The following SPATA6 variants were observed in gnomAD, a reference collection of about 807,000 sequenced individuals.
SPATA6 encodes spermatogenesis associated 6.
SPATA6 carries 56 observed loss-of-function variants against 65.3 expected under a neutral mutation model. The observed-to-expected ratio is 0.86, with a 90% CI of 0.69 to 1.07. The LOEUF (loss-of-function observed/expected upper bound fraction) is 1.07. Ranked by LOEUF, SPATA6 falls within the 50% of genes least tolerant of loss-of-function variation. The pLI is 0.00. For synonymous variants in SPATA6, 199 were observed against 213.2 expected (o/e 0.93, Z 0.58); for missense variants, 590 against 594.8 (o/e 0.99, Z 0.08).
At chr1:48,373,422 T>C (rs1383702850) in intron 9 of SPATA6, among the ~76,000 whole-genome samples, 2 of 152,198 alleles carry the variant, frequency 1.3e-5, no homozygotes, top group Non-Finnish European at 2.9e-5. Flanking sequence ...CATATCGCTA[T>C]CAGAATTTTT....
intron 9 of SPATA6, among the ~76,000 whole-genome samples, chr1:48,384,927 AT>A (rs1649298108): frequency 6.6e-6 from 1 of 152,248 alleles, no homozygotes; most frequent in South Asian, 2.1e-4. Context: ...ATATATGCAA[AT>A]ACTACAAAAG....
the SPATA6 span, among the ~76,000 whole-genome samples, chr1:48,278,935 G>T: frequency 1.3e-5 from 2 of 152,178 alleles, no homozygotes; most frequent in Non-Finnish European, 2.9e-5. Flanking sequence ...CAGAGAGAAA[G>T]GTCAGGTTAC....
intron 9 of SPATA6, among the ~76,000 whole-genome samples, chr1:48,375,498 A>G (rs2148870861): frequency 6.6e-6 from 1 of 152,228 alleles, no homozygotes; most frequent in Middle Eastern, 3.4e-3. Flanking sequence ...TCAAAATATC[A>G]TGAAAACGTT....
chr1:48,366,106 G>A (rs1395687111), intron 9 of SPATA6, among the ~76,000 whole-genome samples: 2 of 152,138 alleles, frequency 1.3e-5, no homozygotes, highest in Admixed American at 1.3e-4. Context: ...TTATTGATTT[G>A]CGTATGTTGA....
intron 10 of SPATA6, among the ~76,000 whole-genome samples, chr1:48,358,388 TTTATAAAAGTATTTATAAAAGTTTA>T (rs1198555879): frequency 6.6e-6 from 1 of 151,408 alleles, no homozygotes; most frequent in African/African-American, 2.4e-5. Context: ...ATAATATTTA[TTTATAAAAGTATTTATAAAAGTTTA>T]TTATAAAAGT....
At position 48,412,336 on chromosome 1, in the gene SPATA6, C is replaced by T. The variant is rs545243913; in HGVS notation, c.281-748G>A. The stretch of plus-strand genomic sequence containing the variant: ...TTCTCTTCCCTTCCCTAATAATATG[C>T]AACACACAAAAACAATGATAATTAA... On this transcript the variant is annotated intron_variant, in intron 4 of 12. Transcript: ENST00000371847. 1.8e-4 allele frequency among the ~76,000 whole-genome samples: 28 copies of T among 152,106 alleles called. No homozygotes were observed. In the South Asian group the frequency reaches 5.8e-3, roughly 32 times the overall value.
At chr1:48,359,891 T>G (rs1646762593) in intron 9 of SPATA6, 121 bp from the exon 10 acceptor site, 1 of 705,556 alleles carries the variant, frequency 1.4e-6, no homozygotes, top group Admixed American at 3.4e-5. Flanking sequence ...ACTAATTTTA[T>G]AAAAGTAATA....
intron 1 of SPATA6, among the ~76,000 whole-genome samples, chr1:48,471,161 C>CT (rs1658209868): frequency 6.6e-6 from 1 of 152,198 alleles, no homozygotes; most frequent in African/African-American, 2.4e-5. Flanking sequence ...AGCCCCTTCA[C>CT]TGGATGAGTG....
the SPATA6 span, among the ~76,000 whole-genome samples, chr1:48,276,404 T>A: frequency 1.3e-5 from 2 of 152,192 alleles, no homozygotes; most frequent in Non-Finnish European, 2.9e-5. Context: ...CTTGGTTCTC[T>A]AGTTCTTTTA....
At chr1:48,270,887 T>A in the SPATA6 span, among the ~76,000 whole-genome samples, 2 of 152,146 alleles carry the variant, frequency 1.3e-5, no homozygotes, top group Admixed American at 6.6e-5. Flanking sequence ...TTCACTGAGA[T>A]GATTTTGTTT....
At chr1:48,261,946 C>T in the SPATA6 span, among the ~76,000 whole-genome samples, 1 of 152,062 alleles carries the variant, frequency 6.6e-6, no homozygotes, top group East Asian at 1.9e-4. Context: ...GTACTATTCA[C>T]TGTTTCCAGT....
chr1:48,272,974 C>A, the SPATA6 span, among the ~76,000 whole-genome samples: 1 of 152,068 alleles, frequency 6.6e-6, no homozygotes, highest in African/African-American at 2.4e-5. Flanking sequence ...TTTGTAATTT[C>A]GGTATTAAGG....
At position 48,399,459 on chromosome 1, in the gene SPATA6, T is replaced by C; in HGVS notation, c.672A>G (p.Arg224=). 5 of 1,613,272 alleles carry C rather than the reference T, an allele frequency of 3.1e-6. No individual in the cohort carries two copies. Among genetic ancestry groups the C allele is most frequent in the Non-Finnish European group, 4.2e-6 (5 of 1,179,466 alleles). Residue 224 remains arginine, a synonymous_variant, in exon 7 of 13, where the codon AGA becomes AGG. Transcript: ENST00000371847. ...TGTCTTCAGATAGCTCACACATGCG[T>C]CTTTTTGTGTAGGGAGATGGAGAGT... ...KSHSPSPYTK[R]RMCELSEDTR...
intron 11 of SPATA6, among the ~76,000 whole-genome samples, chr1:48,311,001 A>AG (rs1170972407): frequency 1.3e-5 from 2 of 152,190 alleles, no homozygotes; most frequent in African/African-American, 4.8e-5. Flanking sequence ...AAACAGCACA[A>AG]GGGACACTAG....
the SPATA6 span, among the ~76,000 whole-genome samples, chr1:48,272,337 C>T: frequency 6.6e-6 from 1 of 152,074 alleles, no homozygotes; most frequent in Non-Finnish European, 1.5e-5. Flanking sequence ...TGATCAATAT[C>T]ACCCCATTTC....
chr1:48,369,626 G>A (rs891141285), intron 9 of SPATA6, among the ~76,000 whole-genome samples: 14 of 152,182 alleles, frequency 9.2e-5, no homozygotes, highest in African/African-American at 2.2e-4. Context: ...TAAGCCCGTC[G>A]GAAAAGCGCA....
At chr1:48,355,107 G>C (rs573110931) in intron 11 of SPATA6, among the ~76,000 whole-genome samples, 1 of 152,090 alleles carries the variant, frequency 6.6e-6, no homozygotes, top group South Asian at 2.1e-4. Context: ...ACATAAAAAA[G>C]TACTGTCATT....
rs1351950202 is a variant in SPATA6, at chr1:48,355,706, G to C, written c.1158C>G (p.Val386=). The change falls in exon 11 of 13, where the codon GTC becomes GTG. Residue 386 remains valine, a synonymous_variant. Transcript: ENST00000371847. ...CDEIHDRVKN[V]LKSHQAHQRH... ...TTTGATGAGCCTGATGTGATTTCAA[G>C]ACATTTTTTACCCGGTCATGGATCT... 4 of 1,612,968 alleles carry C rather than the reference G, an allele frequency of 2.5e-6. No individual in the cohort carries two copies. The highest frequency in any genetic ancestry group is 3.4e-6 in the Non-Finnish European group (4 of 1,179,318).
chr1:48,285,736 C>A, the SPATA6 span, among the ~76,000 whole-genome samples: 1 of 152,190 alleles, frequency 6.6e-6, no homozygotes, highest in African/African-American at 2.4e-5. Flanking sequence ...CCCCGCCCCA[C>A]CCAGCTTCAG....
Sources: gnomAD v4.1 joint callset for allele counts (sites outside exome capture counted in the v4.1 genomes callset) on GRCh38, gnomAD v4.1.1 for gene constraint, MANE v1.5 for transcripts, NCBI Gene and HGNC (gene_info 2026-07-23, HGNC 2026-07-21) for gene names.